The following CACNA1B variants were observed in gnomAD, a reference collection of about 807,000 sequenced individuals.
CACNA1B encodes the protein voltage-dependent N-type calcium channel subunit alpha-1B.
In CACNA1B, 70 loss-of-function variants were observed where a neutral mutation model predicts 247.2. That is an observed-to-expected ratio of 0.28 (90% CI 0.23 to 0.35). The LOEUF is 0.35. Among genes scored for constraint, CACNA1B ranks in the 10% least tolerant of loss-of-function variants. The pLI is 1.00. For synonymous variants in CACNA1B, 1,231 were observed against 1,294.4 expected, an observed-to-expected ratio of 0.95 and a Z score of 1.05; for missense variants, 2,367 against 3,197.4, an observed-to-expected ratio of 0.74 and a Z score of 6.26.
Position 138,049,217 on chromosome 9 carries a change from C to T in CACNA1B, c.3612C>T (p.Asp1204=), listed in dbSNP as rs201398609. ...GTGTTTCTCCCTCCTAGATGATCGA[C>T]TTGGGACTGCTGCTTCACCCTGGAG... ...FTFEMVIKMI[D]LGLLLHPGAY... is the part of the protein sequence containing the mutation. Residue 1204 remains aspartate, a synonymous_variant, in exon 24 of 47, where the codon GAC becomes GAT. Transcript: ENST00000371372. 8.4e-5 allele frequency: 135 copies of T among 1,608,512 alleles called. No homozygotes were observed. The highest frequency in any genetic ancestry group is 1.3e-4 in the Admixed American group (8 of 60,012).
chr9:138,015,487 G>A (rs892309162), intron 18 of CACNA1B, among the ~76,000 whole-genome samples: 9 of 146,914 alleles, frequency 6.1e-5, no homozygotes, highest in Non-Finnish European at 8.8e-5. Context: ...GACGAGCAGC[G>A]CTGCCTCCTG....
intron 6 of CACNA1B, among the ~76,000 whole-genome samples, chr9:137,949,309 TGTG>T (rs1293873438): frequency 2.4e-4 from 3 of 12,498 alleles, no homozygotes; most frequent in African/African-American, 9.0e-4. Context: ...GTCTGGTGTG[TGTG>T]GTGTACGTAT....
At chr9:137,993,141 C>A (rs1240558257) in intron 15 of CACNA1B, among the ~76,000 whole-genome samples, 1 of 151,958 alleles carries the variant, frequency 6.6e-6, no homozygotes, top group East Asian at 1.9e-4. Flanking sequence ...GAAACAAGAA[C>A]AATCCAAACC....
rs370902260 is a variant in CACNA1B at position 138,057,092 on chromosome 9, C to T, written c.3969-640C>T. Among the ~76,000 whole-genome samples, 148 of 152,092 alleles carry T rather than the reference C, an allele frequency of 9.7e-4. 3 individuals carry two copies. The highest frequency in any genetic ancestry group is 3.2e-3 in the African/African-American group (131 of 41,520). ...CTGGGACTATAGGCGCCCGCCACCACGCCCGGCTAATTATTTTTGTATTTT... is the reference window on the plus strand; with the variant it reads ...CTGGGACTATAGGCGCCCGCCACCATGCCCGGCTAATTATTTTTGTATTTT... On this transcript the variant is annotated intron_variant, in intron 26 of 46. Transcript: ENST00000371372. This position sits in a 1 kb window ranked among gnomAD's most constrained non-coding sequence, Gnocchi z 4.0.
rs1157860732 is a variant in CACNA1B at position 138,023,348 on chromosome 9, G to C, written c.2605G>C (p.Ala869Pro). 2 of 1,447,508 alleles carry C rather than the reference G, an allele frequency of 1.4e-6. No individual in the cohort carries two copies. The highest frequency in any genetic ancestry group is 6.0e-5 in the East Asian group (2 of 33,554). The allele number at this position is 1,447,508 out of a possible 1,614,324, so 89.7% of individuals were successfully genotyped here. A position where few individuals can be genotyped will look rare whatever the true frequency, so the allele number is the denominator to read the frequency against. ...KTPAAGDQDR[A>P]EAPKAESGEP... ...CCCCGCGGCGGGGGACCAGGACCGA[G>C]CAGAGGCCCCGAAGGCGGAGAGCGG... The change falls in exon 19 of 47, where the codon GCA becomes CCA. Residue 869 changes from alanine (A) to proline (P), a missense_variant. Transcript: ENST00000371372.
chr9:137,997,463 C>G (rs1020158853), intron 15 of CACNA1B, among the ~76,000 whole-genome samples: 1 of 152,136 alleles, frequency 6.6e-6, no homozygotes, highest in East Asian at 1.9e-4. Flanking sequence ...AAATTGGATT[C>G]CTACCTTGTA....
intron 36 of CACNA1B, among the ~76,000 whole-genome samples, chr9:138,092,057 A>G (rs1960898374): frequency 6.6e-6 from 1 of 152,244 alleles, no homozygotes. Flanking sequence ...TCAAAGGGCA[A>G]TAAAAGATCA....
intron 3 of CACNA1B, among the ~76,000 whole-genome samples, chr9:137,894,807 A>G (rs570688442): frequency 6.6e-6 from 1 of 152,040 alleles, no homozygotes; most frequent in Non-Finnish European, 1.5e-5. Flanking sequence ...GGTTTTTCAG[A>G]TATTTTTTCC....
In CACNA1B at chr9:137,973,188, C is replaced by T. The variant is rs1214729724; in HGVS notation, c.1543+1596C>T. On this transcript the variant is annotated intron_variant, in intron 11 of 46. Coordinates refer to ENST00000371372, the MANE Select transcript of CACNA1B (RefSeq NM_000718.4). This position sits in a 1 kb window ranked among gnomAD's most constrained non-coding sequence, Gnocchi z 4.1. ...GTCCAGGCGTTGGTGAGGCCACAGG[C>T]ATCCCTGACCGTAGACCGCTACTGT... is the stretch of plus-strand genomic sequence containing the variant. Among the ~76,000 whole-genome samples the T allele has an allele frequency of 2.6e-5, 4 of 152,176 alleles. No individual in the cohort carries two copies. The highest frequency in any genetic ancestry group is 2.6e-4 in the Admixed American group (4 of 15,280).
At chr9:138,061,197 C>T (rs1327921545) in intron 31 of CACNA1B, among the ~76,000 whole-genome samples, 1 of 152,204 alleles carries the variant, frequency 6.6e-6, no homozygotes, top group African/African-American at 2.4e-5. Flanking sequence ...GATGATCTGG[C>T]TGGCATGGAA....
Position 138,121,327 on chromosome 9 carries a change from G to GT in CACNA1B, c.6490-141dup. Reference sequence around the variant, plus strand: ...CACACAGGTGCCTGTTGCCTCCCTGGTCACCGCAGCCCGTTGTCCCCCATT... The same window carrying GT: ...CACACAGGTGCCTGTTGCCTCCCTGGTTCACCGCAGCCCGTTGTCCCCCATT... On this transcript the variant is annotated intron_variant, in intron 46 of 46. Transcript: ENST00000371372. This position sits in a 1 kb window ranked among gnomAD's most constrained non-coding sequence, Gnocchi z 6.8. 1 of 626,132 alleles carries GT rather than the reference G, an allele frequency of 1.6e-6. No individual in the cohort carries two copies. The allele number at this position is 626,132 out of a possible 1,614,324, so 38.8% of individuals were successfully genotyped here. A position where few individuals can be genotyped will look rare whatever the true frequency, so the allele number is the denominator to read the frequency against.
At chr9:137,956,914 G>C in intron 9 of CACNA1B, 87 bp downstream of exon 9, 1 of 1,116,460 alleles carries the variant, frequency 9.0e-7, no homozygotes. Flanking sequence ...CATGTTTCAC[G>C]CGAAGTGCTC....
At chr9:138,015,422 G>A (rs1292601048) in intron 18 of CACNA1B, among the ~76,000 whole-genome samples, 1 of 151,936 alleles carries the variant, frequency 6.6e-6, no homozygotes, top group African/African-American at 2.4e-5. Flanking sequence ...TGAGACCTCC[G>A]AGGGCTGAAA....
intron 6 of CACNA1B, among the ~76,000 whole-genome samples, chr9:137,942,054 G>A (rs1957738249): frequency 6.6e-6 from 1 of 152,168 alleles, no homozygotes; most frequent in South Asian, 2.1e-4. Context: ...AACCCACAGA[G>A]TGGGAGAAAA....
chr9:137,895,251 T>G (rs1957160033), intron 3 of CACNA1B, among the ~76,000 whole-genome samples: 2 of 152,228 alleles, frequency 1.3e-5, no homozygotes, highest in African/African-American at 4.8e-5. Context: ...AGTTATGTAA[T>G]AAGGCTTGAA....
In CACNA1B at chr9:137,984,175, C is replaced by A; in HGVS notation, c.1694C>A (p.Ala565Asp). ...VGSVFEVVWA[A>D]IKPGSSFGIS... ...AGCGTCTTTGAAGTGGTCTGGGCGG[C>A]CATCAAGCCGGGAAGCTCCTTTGGG... Residue 565 changes from alanine to aspartate, a missense_variant, in exon 13 of 47, where the codon GCC becomes GAC. Around this residue, in one of 12 missense-constraint regions of CACNA1B, gnomAD observed 219 missense variants for 297.6 expected, o/e 0.74. Coordinates refer to ENST00000371372, the MANE Select transcript of CACNA1B (RefSeq NM_000718.4). 6.2e-7 allele frequency: 1 copy of A among 1,604,000 alleles called. No individual in the cohort carries two copies.
At chr9:138,013,095 G>T (rs1432568058) in intron 17 of CACNA1B, 34 bp from the exon 18 acceptor site, 1 of 1,517,378 alleles carries the variant, frequency 6.6e-7, no homozygotes, top group Admixed American at 1.7e-5. Flanking sequence ...ATAACACTGT[G>T]AGGGGAACTG....
intron 20 of CACNA1B, among the ~76,000 whole-genome samples, chr9:138,038,526 G>T (rs1959075164): frequency 6.6e-6 from 1 of 152,226 alleles, no homozygotes; most frequent in Admixed American, 6.5e-5. Flanking sequence ...GGAAGTGCAT[G>T]GGAGTTTGCA....
At chr9:138,025,588 G>C (rs887372771) in intron 20 of CACNA1B, among the ~76,000 whole-genome samples, 10 of 152,348 alleles carry the variant, frequency 6.6e-5, no homozygotes, top group African/African-American at 1.9e-4. Context: ...GGCTGCAGAG[G>C]AGGAGGCTCT....
Sources: gnomAD v4.1 joint callset for allele counts (sites outside exome capture counted in the v4.1 genomes callset) on GRCh38, gnomAD v4.1.1 for gene constraint, gnomAD v4.1.1 regional missense constraint, Gnocchi (gnomAD v3.1) non-coding constraint, MANE v1.5 for transcripts, NCBI Gene and HGNC (gene_info 2026-07-23, HGNC 2026-07-21) for gene names.